The following GPAT3 variants were observed in gnomAD, a reference collection of about 807,000 sequenced individuals.
The protein encoded by GPAT3 is glycerol-3-phosphate acyltransferase 3.
In GPAT3, 53 loss-of-function variants were observed where a neutral mutation model predicts 58.8. The ratio of observed to expected loss-of-function variants is 0.90; its 90% CI spans 0.72 to 1.13. GPAT3 has a LOEUF of 1.13. Ranked by LOEUF, GPAT3 falls within the 50% of genes most tolerant of loss-of-function variation. The probability of loss-of-function intolerance (pLI) is 0.00; values close to 1 mark genes in which losing one functional copy is unlikely to be tolerated. For synonymous variants in GPAT3, 197 were observed against 187.4 expected (o/e 1.05, Z -0.42); for missense variants, 511 against 527.6 (o/e 0.97, Z 0.31).
At chr4:83,584,565 A>G (rs56191639) in intron 3 of GPAT3, among the ~76,000 whole-genome samples, 33,876 of 152,000 alleles carry the variant, frequency 0.22, 3,983 homozygotes, top group East Asian at 0.32. Context: ...CATCACTTAG[A>G]CACAATCTTG....
At chr4:83,535,968 C>T, upstream of GPAT3, 2 of 985,488 alleles carry the variant, frequency 2.0e-6, no homozygotes, top group Middle Eastern at 5.2e-4. Flanking sequence ...GGAGGCGGGG[C>T]GCGGGGAAGA....
chr4:83,597,501 C>G lies in GPAT3; in HGVS notation c.982C>G (p.Pro328Ala), dbSNP rs542045324. The G allele has an allele frequency of 6.4e-7, 1 of 1,563,402 alleles. No homozygotes were observed. Among genetic ancestry groups the G allele is most frequent in the Admixed American group, 1.8e-5 (1 of 57,084 alleles). The stretch of plus-strand genomic sequence containing the variant: ...CTTTGAAATTGGAGGAACCATACAT[C>G]CAGTTGCAATTAAGGTAAAACAGAT... ...GSFEIGGTIH[P>A]VAIKYNPQFG... Residue 328 changes from proline to alanine, a missense_variant, in exon 9 of 12, where the codon CCA (proline) becomes GCA (alanine). Physicochemically the swap from Pro to Ala is conservative, Grantham distance 27. Transcript: ENST00000264409.
At chr4:83,571,752 A>G (rs1005688770) in intron 2 of GPAT3, among the ~76,000 whole-genome samples, 6 of 151,304 alleles carry the variant, frequency 4.0e-5, no homozygotes, top group South Asian at 2.1e-4. Flanking sequence ...ATATATATAT[A>G]TGTGTATATA....
intron 6 of GPAT3, among the ~76,000 whole-genome samples, chr4:83,592,040 A>G (rs1726620891): frequency 6.6e-6 from 1 of 152,130 alleles, no homozygotes; most frequent in Non-Finnish European, 1.5e-5. Context: ...GAGCACCCTC[A>G]TGGCCTCAGT....
Position 83,590,281 on chromosome 4 carries a change from T to G in GPAT3, c.727T>G (p.Cys243Gly). The change falls in exon 6 of 12, where the codon TGT becomes GGT. Residue 243 changes from cysteine to glycine, a missense_variant. By Grantham distance (159) the Cys-to-Gly change is radical. Coordinates refer to ENST00000264409, the MANE Select transcript of GPAT3 (RefSeq NM_032717.5). ...IDVLILTTDG[C>G]YAMVGQVHGG... ...TGTTTTAATCTTGACAACGGATGGA[T>G]GTTATGCTATGGTAAGAGCAGCTCA... 1 of 1,613,568 alleles carries G rather than the reference T, an allele frequency of 6.2e-7. No individual in the cohort carries two copies. Among genetic ancestry groups the G allele is most frequent in the Non-Finnish European group, 8.5e-7 (1 of 1,179,614 alleles).
At chr4:83,590,885 CTTT>C (rs5859882) in intron 6 of GPAT3, among the ~76,000 whole-genome samples, 3 of 114,322 alleles carry the variant, frequency 2.6e-5, no homozygotes, top group African/African-American at 6.4e-5. Context: ...GAATCATATT[CTTT>C]TTTTTTTTTT....
In GPAT3 at chr4:83,536,153, CG is replaced by C; in HGVS notation, c.-468del. The C allele has an allele frequency of 2.0e-6, 2 of 985,870 alleles. No individual in the cohort carries two copies. Among genetic ancestry groups the C allele is most frequent in the Non-Finnish European group, 2.4e-6 (2 of 830,212 alleles). 61.1% of individuals were successfully genotyped at this position (985,870 alleles called of 1,614,324 possible). A position where few individuals can be genotyped will look rare whatever the true frequency, so the allele number is the denominator to read the frequency against. On this transcript the variant is annotated 5_prime_UTR_variant, in exon 1 of 12. Coordinates refer to ENST00000264409, the MANE Select transcript of GPAT3 (RefSeq NM_032717.5). The stretch of plus-strand genomic sequence containing the variant: ...GCCCGGTGCCAGCTCCGCCGGCGAC[CG>C]GTGTGCCAAAGTGCGGTGCTCCCGC...
chr4:83,566,396 C>CT (rs1002857867), intron 2 of GPAT3, among the ~76,000 whole-genome samples: 92 of 146,214 alleles, frequency 6.3e-4, no homozygotes, highest in Non-Finnish European at 1.1e-3. Flanking sequence ...CCTATTTATT[C>CT]TTTTTTTTAA....
chr4:83,592,433 A>G (rs1726638197), intron 6 of GPAT3, among the ~76,000 whole-genome samples: 1 of 152,204 alleles, frequency 6.6e-6, no homozygotes, highest in African/African-American at 2.4e-5. Flanking sequence ...TATTGAAAGA[A>G]CATCAAAGAT....
chr4:83,554,281 T>G (rs935447844), intron 2 of GPAT3, among the ~76,000 whole-genome samples: 7 of 152,098 alleles, frequency 4.6e-5, no homozygotes, highest in African/African-American at 1.7e-4. Context: ...GCTGGCTGCC[T>G]TATTTATTTA....
chr4:83,591,487 A>C (rs1395479182), intron 6 of GPAT3, among the ~76,000 whole-genome samples: 1 of 152,210 alleles, frequency 6.6e-6, no homozygotes, highest in Non-Finnish European at 1.5e-5. Flanking sequence ...GTAGTTCTTA[A>C]TCTTTTCTTA....
intron 11 of GPAT3, among the ~76,000 whole-genome samples, chr4:83,603,284 T>C (rs968348666): frequency 1.3e-5 from 2 of 152,226 alleles, no homozygotes; most frequent in Non-Finnish European, 2.9e-5. Context: ...TGTTTCTTTA[T>C]GTGTAGTCCA....
chr4:83,596,393 G>A (rs1458130051), intron 7 of GPAT3, among the ~76,000 whole-genome samples: 1 of 152,182 alleles, frequency 6.6e-6, no homozygotes, highest in Non-Finnish European at 1.5e-5. Flanking sequence ...GGTTGAGGCG[G>A]GTGGATCGCT....
intron 2 of GPAT3, among the ~76,000 whole-genome samples, chr4:83,547,464 G>T (rs186871554): frequency 6.6e-6 from 1 of 151,568 alleles, no homozygotes; most frequent in Non-Finnish European, 1.5e-5. Context: ...GTGTTAGCCA[G>T]GATGGTCTCG....
intron 6 of GPAT3, among the ~76,000 whole-genome samples, chr4:83,590,535 G>A (rs995760226): frequency 2.0e-5 from 3 of 152,306 alleles, no homozygotes; most frequent in African/African-American, 7.2e-5. Flanking sequence ...ACATTCTTGA[G>A]CTTAATAGGA....
Position 83,536,581 on chromosome 4 carries a change from G to C in GPAT3, c.-42G>C. 6.3e-7 allele frequency: 1 copy of C among 1,594,418 alleles called. No homozygotes were observed. The highest frequency in any genetic ancestry group is 8.6e-7 in the Non-Finnish European group (1 of 1,169,176). On this transcript the variant is annotated 5_prime_UTR_variant, in exon 1 of 12. Coordinates refer to ENST00000264409, the MANE Select transcript of GPAT3 (RefSeq NM_032717.5). ...GGGGACAGGGACTGCTGTGGCGCTC[G>C]GCCCTCCACTGCGGACCTCTCCTGA...
chr4:83,551,813 A>AAAATCAATCTATCTATCT (rs768726930), intron 2 of GPAT3, among the ~76,000 whole-genome samples: 1 of 102,400 alleles, frequency 9.8e-6, no homozygotes, highest in African/African-American at 4.7e-5. Flanking sequence ...AAAAAAAAAA[A>AAAATCAATCTATCTATCT]ATCTATCTAT....
In GPAT3 at chr4:83,561,507, A is replaced by G. The variant is rs62305329; in HGVS notation, c.208+16905A>G. Among the ~76,000 whole-genome samples, 1,504 of 152,172 alleles carry G rather than the reference A, an allele frequency of 9.9e-3. 10 individuals carry two copies. Among genetic ancestry groups the G allele is most frequent in the Non-Finnish European group, 0.017 (1,145 of 68,020 alleles). ...CCTGCTAAAATAAAATAACATCCTC[A>G]TTGTCAGTGACTCATTGTCCAAATC... On this transcript the variant is annotated intron_variant, in intron 2 of 11. Coordinates refer to ENST00000264409, the MANE Select transcript of GPAT3 (RefSeq NM_032717.5).
chr4:83,605,782 G>A lies in GPAT3; in HGVS notation c.*1015G>A, dbSNP rs975051356. 8.5e-5 allele frequency: 13 copies of A among 152,670 alleles called. No homozygotes were observed. Among genetic ancestry groups the A allele is most frequent in the South Asian group, 8.3e-4 (4 of 4,822 alleles). The allele number at this position is 152,670 out of a possible 1,614,324, so 9.5% of individuals were successfully genotyped here. On this transcript the variant is annotated 3_prime_UTR_variant, in exon 12 of 12. Transcript: ENST00000264409. The stretch of plus-strand genomic sequence containing the variant: ...CAATGTTTGACAGCAATATAATGCC[G>A]TTGTAAACTACTGAGAGTATTGTAT...
Sources: allele counts gnomAD v4.1 joint callset (sites outside exome capture counted in the v4.1 genomes callset), GRCh38; gene constraint gnomAD v4.1.1; transcripts MANE v1.5; gene names NCBI Gene and HGNC (gene_info 2026-07-23, HGNC 2026-07-21).